Variants in TAFA1 observed in about 807,000 individuals in gnomAD.
TAFA1 encodes TAFA chemokine like family member 1.
TAFA1 carries 4 observed loss-of-function variants against 18.5 expected under a neutral mutation model. That is an observed-to-expected ratio of 0.22 (90% CI 0.11 to 0.49). The LOEUF (loss-of-function observed/expected upper bound fraction) is 0.49, where lower values mean the gene tolerates loss of function less well. Ranked by LOEUF, TAFA1 falls within the 20% of genes least tolerant of loss-of-function variation. The pLI, the probability that TAFA1 is intolerant of heterozygous loss-of-function variation, is 0.98. For synonymous variants in TAFA1, 56 were observed against 55.2 expected, an observed-to-expected ratio of 1.01 and a Z score of -0.06; for missense variants, 147 against 169.0, an observed-to-expected ratio of 0.87 and a Z score of 0.72.
chr3:68,363,971 C>G (rs1405310430), intron 2 of TAFA1, among the ~76,000 whole-genome samples: 1 of 152,122 alleles, frequency 6.6e-6, no homozygotes, highest in Non-Finnish European at 1.5e-5. Flanking sequence ...AAACTGTTTC[C>G]AGCTGATGGA....
At chr3:68,036,910 C>A (rs531058067) in intron 2 of TAFA1, among the ~76,000 whole-genome samples, 1 of 152,306 alleles carries the variant, frequency 6.6e-6, no homozygotes, top group South Asian at 2.1e-4. Flanking sequence ...TTTGTACAAT[C>A]ATTCACTTAT....
intron 3 of TAFA1, among the ~76,000 whole-genome samples, chr3:68,528,166 A>G (rs2073134069): frequency 6.6e-6 from 1 of 152,218 alleles, no homozygotes. Context: ...ACACATGGAT[A>G]AATAATAGTG....
chr3:68,137,423 G>T (rs2065622045), intron 2 of TAFA1, among the ~76,000 whole-genome samples: 1 of 152,184 alleles, frequency 6.6e-6, no homozygotes, highest in African/African-American at 2.4e-5. Context: ...AGCTGAGAAA[G>T]TATGTTCTAA....
intron 3 of TAFA1, among the ~76,000 whole-genome samples, chr3:68,457,761 T>C (rs1346989666): frequency 6.6e-6 from 1 of 152,212 alleles, no homozygotes; most frequent in Non-Finnish European, 1.5e-5. Flanking sequence ...TGAAATTTTT[T>C]ATCCTTTGAT....
At chr3:68,503,483 T>G (rs2106712294) in intron 3 of TAFA1, among the ~76,000 whole-genome samples, 1 of 152,168 alleles carries the variant, frequency 6.6e-6, no homozygotes, top group South Asian at 2.1e-4. Flanking sequence ...AATAGGTAAA[T>G]CCATAGAGAT....
At chr3:68,084,987 T>C (rs941746801) in intron 2 of TAFA1, among the ~76,000 whole-genome samples, 2 of 152,136 alleles carry the variant, frequency 1.3e-5, no homozygotes, top group Admixed American at 6.6e-5. Flanking sequence ...TAATGTGAAC[T>C]CCAGGTCATA....
chr3:68,409,335 TC>T (rs1409769667), intron 2 of TAFA1, among the ~76,000 whole-genome samples: 1 of 152,112 alleles, frequency 6.6e-6, no homozygotes, highest in Non-Finnish European at 1.5e-5. Flanking sequence ...CCCACCCAAA[TC>T]ACATCTCGAA....
intron 3 of TAFA1, among the ~76,000 whole-genome samples, chr3:68,429,573 G>A (rs1180214282): frequency 1.3e-5 from 2 of 151,828 alleles, no homozygotes; most frequent in African/African-American, 2.4e-5. Context: ...AATAACACCA[G>A]TCACACTAGC....
At chr3:68,163,724 T>C (rs1335586542) in intron 2 of TAFA1, among the ~76,000 whole-genome samples, 1 of 152,230 alleles carries the variant, frequency 6.6e-6, no homozygotes, top group Admixed American at 6.5e-5. Flanking sequence ...CCTAAGTACC[T>C]GGTTTGCCAT....
intron 2 of TAFA1, among the ~76,000 whole-genome samples, chr3:68,351,394 G>T (rs760352822): frequency 2.6e-5 from 4 of 152,026 alleles, no homozygotes; most frequent in Non-Finnish European, 4.4e-5. Flanking sequence ...CCACACCAGA[G>T]AATTTCTTAG....
At chr3:68,164,230 G>C (rs1427424009) in intron 2 of TAFA1, among the ~76,000 whole-genome samples, 2 of 152,170 alleles carry the variant, frequency 1.3e-5, no homozygotes, top group Non-Finnish European at 2.9e-5. Context: ...TTCACTCAGA[G>C]TAGAAACTTC....
rs141657100 is a variant in TAFA1 at position 68,480,475 on chromosome 3, G to A, written c.260-58281G>A. ...TCAGGACCAACTGAGTCAGAAAGTC[G>A]TGAGTGCAGTACGGTAATCTCTGTT... On this transcript the variant is annotated intron_variant, in intron 3 of 4. Coordinates refer to ENST00000478136, the MANE Select transcript of TAFA1 (RefSeq NM_213609.4). 1.6e-4 allele frequency among the ~76,000 whole-genome samples: 25 copies of A among 152,226 alleles called. No individual in the cohort carries two copies. The East Asian group carries it at 3.1e-3, about 19-fold the overall frequency.
rs114472680 is a variant in TAFA1 at position 68,351,555 on chromosome 3, C to T, written c.119-65725C>T. Among the ~76,000 whole-genome samples, 281 of 152,094 alleles carry T rather than the reference C, an allele frequency of 1.8e-3. 1 individual carries two copies. The highest frequency in any genetic ancestry group is 3.9e-3 in the South Asian group (19 of 4,818). ...ATTTTATATATTCATGGGGGACACT[C>T]GGAGTAGCTCTCTAAGAGTGACTTT... On this transcript the variant is annotated intron_variant, in intron 2 of 4. Coordinates refer to ENST00000478136, the MANE Select transcript of TAFA1 (RefSeq NM_213609.4).
intron 3 of TAFA1, among the ~76,000 whole-genome samples, chr3:68,470,281 C>T (rs909004923): frequency 2.0e-5 from 3 of 152,152 alleles, no homozygotes; most frequent in African/African-American, 4.8e-5. Flanking sequence ...TTATAAATTA[C>T]CCAGTCTTAG....
At chr3:68,496,143 A>G (rs2072545347) in intron 3 of TAFA1, among the ~76,000 whole-genome samples, 1 of 152,130 alleles carries the variant, frequency 6.6e-6, no homozygotes, top group South Asian at 2.1e-4. Flanking sequence ...CTACCCTTTT[A>G]CGCAGAAAGA....
intron 2 of TAFA1, among the ~76,000 whole-genome samples, chr3:68,168,030 ATTTG>A (rs1407694886): frequency 6.7e-6 from 1 of 149,944 alleles, no homozygotes; most frequent in African/African-American, 2.5e-5. Flanking sequence ...AGTGTCCTCT[ATTTG>A]TTAATCAGTT....
chr3:68,538,409 A>C (rs192778622), intron 3 of TAFA1, among the ~76,000 whole-genome samples: 108 of 152,234 alleles, frequency 7.1e-4, no homozygotes, highest in African/African-American at 2.5e-3. Context: ...AATTCCTCCC[A>C]AAGTTAGCTT....
At chr3:68,031,904 A>G (rs986709600) in intron 2 of TAFA1, among the ~76,000 whole-genome samples, 1 of 152,108 alleles carries the variant, frequency 6.6e-6, no homozygotes, top group Non-Finnish European at 1.5e-5. Flanking sequence ...AATCATTGGG[A>G]CGCGTTTTTT....
chr3:68,203,102 C>T (rs1431424194), intron 2 of TAFA1, among the ~76,000 whole-genome samples: 1 of 151,576 alleles, frequency 6.6e-6, no homozygotes, highest in Admixed American at 6.6e-5. Context: ...TTCTTTCAAC[C>T]CTTCAAATAT....
Sources: allele counts gnomAD v4.1 joint callset (sites outside exome capture counted in the v4.1 genomes callset), GRCh38; gene constraint gnomAD v4.1.1; transcripts MANE v1.5; gene names NCBI Gene and HGNC (gene_info 2026-07-23, HGNC 2026-07-21).